The following PVALB variants were observed in gnomAD, a reference collection of about 807,000 sequenced individuals.
PVALB encodes the protein parvalbumin.
In PVALB, 11 loss-of-function variants were observed where a neutral mutation model predicts 10.9. The observed-to-expected ratio is 1.01, with a 90% CI of 0.63 to 1.67. The LOEUF (loss-of-function observed/expected upper bound fraction) is 1.67, where lower values mean the gene tolerates loss of function less well. Among genes scored for constraint, PVALB ranks in the 40% most tolerant of loss-of-function variants. PVALB has a pLI of 0.00. For synonymous variants in PVALB, 57 were observed against 50.7 expected (o/e 1.12, Z -0.53); for missense variants, 131 against 136.2 (o/e 0.96, Z 0.19).
At chr22:36,814,600 C>T (rs770998976) in intron 2 of PVALB, among the ~76,000 whole-genome samples, 1 of 152,132 alleles carries the variant, frequency 6.6e-6, no homozygotes, top group Non-Finnish European at 1.5e-5. Context: ...CAGCCTTCTC[C>T]TTCTCTGCTT....
intron 1 of PVALB, 38 bp downstream of exon 1, chr22:36,816,907 G>C (rs567593386): frequency 2.8e-5 from 43 of 1,560,050 alleles, no homozygotes; most frequent in Non-Finnish European, 3.7e-5. Flanking sequence ...GGCGGTGGAC[G>C]AGGGGAGAGG....
At chr22:36,807,077 A>G (rs1460286748) in intron 3 of PVALB, among the ~76,000 whole-genome samples, 1 of 152,252 alleles carries the variant, frequency 6.6e-6, no homozygotes, top group Non-Finnish European at 1.5e-5. Flanking sequence ...CTAGTGCAGC[A>G]TAAGGCCAGA....
chr22:36,813,881 G>GT (rs1166959113), intron 2 of PVALB, 126 bp from the exon 3 acceptor site: 1 of 754,692 alleles, frequency 1.3e-6, no homozygotes, highest in Non-Finnish European at 2.3e-6. Flanking sequence ...GCGAGCAGCA[G>GT]TCACGCACAC....
chr22:36,815,815 G>A (rs1368450333), intron 1 of PVALB, among the ~76,000 whole-genome samples: 1 of 152,078 alleles, frequency 6.6e-6, no homozygotes, highest in African/African-American at 2.4e-5. Flanking sequence ...GGGGGTGTTA[G>A]GAGGCTCCCG....
intron 3 of PVALB, among the ~76,000 whole-genome samples, chr22:36,802,603 C>CAAAAAA (rs60843863): frequency 2.2e-4 from 6 of 27,778 alleles, no homozygotes; most frequent in African/African-American, 4.8e-4. Flanking sequence ...CCATCTCACA[C>CAAAAAA]AAAAAAAAAA....
At chr22:36,803,903 T>C (rs4821531) in intron 3 of PVALB, among the ~76,000 whole-genome samples, 31,542 of 152,198 alleles carry the variant, frequency 0.21, 3,886 homozygotes, top group African/African-American at 0.34. Context: ...ACTTGGCCTC[T>C]GGCCTCAGGA....
chr22:36,807,018 G>A (rs1159180928), intron 3 of PVALB, among the ~76,000 whole-genome samples: 2 of 152,344 alleles, frequency 1.3e-5, no homozygotes, highest in Admixed American at 1.3e-4. Context: ...TTTCACAAGA[G>A]GCCAGTTATG....
intron 3 of PVALB, among the ~76,000 whole-genome samples, 195 bp from the exon 4 acceptor site, chr22:36,801,113 T>C (rs927169810): frequency 6.6e-6 from 1 of 152,118 alleles, no homozygotes; most frequent in East Asian, 1.9e-4. Flanking sequence ...AGGTGGGAAA[T>C]GATGGGCCTA....
intron 3 of PVALB, among the ~76,000 whole-genome samples, chr22:36,804,985 T>C (rs939325973): frequency 3.9e-5 from 6 of 152,140 alleles, no homozygotes; most frequent in African/African-American, 1.2e-4. Flanking sequence ...AAAGATCCTG[T>C]AAACTCTAGG....
chr22:36,811,243 A>G (rs542021595), intron 3 of PVALB, among the ~76,000 whole-genome samples: 1 of 151,902 alleles, frequency 6.6e-6, no homozygotes, highest in African/African-American at 2.4e-5. Context: ...ACACCACTGC[A>G]CTCCAGCCTG....
intron 3 of PVALB, among the ~76,000 whole-genome samples, chr22:36,810,475 G>A (rs1184592249): frequency 6.6e-6 from 1 of 152,222 alleles, no homozygotes; most frequent in Non-Finnish European, 1.5e-5. Flanking sequence ...AAAGCATGAA[G>A]TGTGGGGCCC....
At chr22:36,806,629 T>C (rs1431312705) in intron 3 of PVALB, among the ~76,000 whole-genome samples, 4 of 152,018 alleles carry the variant, frequency 2.6e-5, no homozygotes, top group South Asian at 2.1e-4. Flanking sequence ...TTCTTATAAA[T>C]TGGTATCTCA....
chr22:36,813,804 C>T (rs1265138879), intron 2 of PVALB, 49 bp from the exon 3 acceptor site: 1 of 1,398,360 alleles, frequency 7.2e-7, no homozygotes, highest in Non-Finnish European at 1.0e-6. Flanking sequence ...GCCGAGGTCG[C>T]CTTGCAGGAC....
At chr22:36,815,465 G>T in intron 1 of PVALB, 1 of 566,164 alleles carries the variant, frequency 1.8e-6, no homozygotes. Context: ...GACCTCCCTG[G>T]CTCTCAAGCC....
At chr22:36,819,045 G>A (rs907073486), upstream of PVALB, among the ~76,000 whole-genome samples, 6 of 152,132 alleles carry the variant, frequency 3.9e-5, no homozygotes, top group Admixed American at 6.5e-5. Flanking sequence ...CTCCGGGACT[G>A]AGCCCTCCCA....
intron 3 of PVALB, among the ~76,000 whole-genome samples, chr22:36,803,279 T>C (rs1051409094): frequency 6.6e-6 from 1 of 152,220 alleles, no homozygotes; most frequent in African/African-American, 2.4e-5. Context: ...GTGACACATG[T>C]CCCAGCTCAA....
At chr22:36,810,498 G>T (rs946544164) in intron 3 of PVALB, among the ~76,000 whole-genome samples, 2 of 152,208 alleles carry the variant, frequency 1.3e-5, no homozygotes, top group African/African-American at 2.4e-5. Context: ...GTGCCTCAGG[G>T]TGGTCTGTGC....
rs1939122097 is a variant in PVALB at position 36,815,341 on chromosome 22, T to C, written c.62-106A>G. 2.8e-6 allele frequency: 4 copies of C among 1,448,358 alleles called. No individual in the cohort carries two copies. In the African/African-American group the frequency reaches 4.2e-5, roughly 15 times the overall value. The allele number at this position is 1,448,358 out of a possible 1,614,324, so 89.7% of individuals were successfully genotyped here. A position where few individuals can be genotyped will look rare whatever the true frequency, so the allele number is the denominator to read the frequency against. The stretch of plus-strand genomic sequence containing the variant: ...TTGTTGATGGATTCCCACATGCCAG[T>C]CATGGGGAATGAGAGGTACCCACCT... On this transcript the variant is annotated intron_variant, in intron 1 of 3. Coordinates refer to ENST00000417718, the MANE Select transcript of PVALB (RefSeq NM_001315532.2).
At chr22:36,810,429 G>A (rs927922498) in intron 3 of PVALB, among the ~76,000 whole-genome samples, 1 of 152,202 alleles carries the variant, frequency 6.6e-6, no homozygotes, top group Non-Finnish European at 1.5e-5. Context: ...AGGGGGTTGG[G>A]AGTGAGGAAG....
Sources: gnomAD v4.1 joint callset for allele counts (sites outside exome capture counted in the v4.1 genomes callset) on GRCh38, gnomAD v4.1.1 for gene constraint, MANE v1.5 for transcripts, NCBI Gene and HGNC (gene_info 2026-07-23, HGNC 2026-07-21) for gene names.